Variants in CFAP299 observed in about 807,000 individuals in gnomAD.
The protein encoded by CFAP299 is cilia and flagella associated protein 299, also known as cilia- and flagella-associated protein 299.
Under a neutral mutation model 27.0 loss-of-function variants are expected in CFAP299, and 21 were observed. The observed-to-expected ratio is 0.78, with a 90% CI of 0.55 to 1.12. The LOEUF is 1.12. Ranked by LOEUF, CFAP299 falls within the 50% of genes most tolerant of loss-of-function variation. The pLI is 0.00. For synonymous variants in CFAP299, 104 were observed against 98.1 expected (o/e 1.06, Z -0.36); for missense variants, 310 against 276.6 (o/e 1.12, Z -0.86).
In CFAP299 at chr4:80,799,278, ATATATTG is replaced by A. The variant is rs1160460402; in HGVS notation, c.334-70710_334-70704del. Among the ~76,000 whole-genome samples, 15 of 93,924 alleles carry A rather than the reference ATATATTG, an allele frequency of 1.6e-4. 1 individual carries two copies. The highest frequency in any genetic ancestry group is 4.5e-4 in the African/African-American group (9 of 20,106). 61.6% of individuals were successfully genotyped at this position (93,924 alleles called of 152,430 possible). A position where few individuals can be genotyped will look rare whatever the true frequency, so the allele number is the denominator to read the frequency against. On this transcript the variant is annotated intron_variant, in intron 3 of 5. Coordinates refer to ENST00000358105, the MANE Select transcript of CFAP299 (RefSeq NM_152770.3). Reference sequence around the variant, plus strand: ...AAATATATTTATATAATATTTATATATATATTGTATAAATATATTTATATAATATTTA... The same window carrying A: ...AAATATATTTATATAATATTTATATATATAAATATATTTATATAATATTTA...
In CFAP299 at chr4:80,335,883, AG is replaced by A; in HGVS notation, c.111+7del. 6.3e-7 allele frequency: 1 copy of A among 1,582,386 alleles called. No individual in the cohort carries two copies. Among genetic ancestry groups the A allele is most frequent in the Non-Finnish European group, 8.7e-7 (1 of 1,151,190 alleles). ...TGTGGACTTGTACTACCTGGAGGTA[AG>A]GGCGGAGCGCGGCAGAGTAGCCGCC... On this transcript the variant is annotated splice_donor_5th_base_variant and intron_variant, in intron 1 of 5. Coordinates refer to ENST00000358105, the MANE Select transcript of CFAP299 (RefSeq NM_152770.3).
At chr4:80,873,186 C>G (rs1461487189) in intron 4 of CFAP299, 1 of 190,342 alleles carries the variant, frequency 5.3e-6, no homozygotes, top group African/African-American at 2.4e-5. Flanking sequence ...GTATGAAGTT[C>G]CATACTTAGT....
chr4:80,879,920 C>A (rs957670583), intron 4 of CFAP299, among the ~76,000 whole-genome samples: 15 of 152,176 alleles, frequency 9.9e-5, no homozygotes, highest in Admixed American at 3.3e-4. Context: ...TACATACCTT[C>A]TTATTATTTC....
chr4:80,501,508 A>G (rs1301422799), intron 2 of CFAP299, among the ~76,000 whole-genome samples: 1 of 147,700 alleles, frequency 6.8e-6, no homozygotes. Context: ...ATATAAATAT[A>G]TGTACATATA....
intron 1 of CFAP299, among the ~76,000 whole-genome samples, chr4:80,356,730 T>C (rs1009396196): frequency 2.0e-5 from 3 of 152,008 alleles, no homozygotes; most frequent in Non-Finnish European, 4.4e-5. Context: ...CTAAGAAGCT[T>C]TTGGGCTCAG....
At chr4:80,589,084 T>A (rs1736592605) in intron 3 of CFAP299, among the ~76,000 whole-genome samples, 1 of 152,206 alleles carries the variant, frequency 6.6e-6, no homozygotes, top group Admixed American at 6.5e-5. Flanking sequence ...AGCTCAGAAG[T>A]ATCAGATAAA....
At chr4:80,777,309 C>A (rs1025731155) in intron 3 of CFAP299, among the ~76,000 whole-genome samples, 1 of 152,016 alleles carries the variant, frequency 6.6e-6, no homozygotes, top group Non-Finnish European at 1.5e-5. Flanking sequence ...TTTTGCATCC[C>A]CCATTCCTAC....
intron 3 of CFAP299, among the ~76,000 whole-genome samples, chr4:80,798,542 C>T (rs1446284639): frequency 1.3e-5 from 2 of 152,074 alleles, no homozygotes; most frequent in African/African-American, 4.8e-5. Flanking sequence ...TGTGCATGCA[C>T]CTTTCATTGC....
At chr4:80,919,491 T>C in intron 4 of CFAP299, among the ~76,000 whole-genome samples, 1 of 152,168 alleles carries the variant, frequency 6.6e-6, no homozygotes, top group East Asian at 1.9e-4. Flanking sequence ...ATGTTTTTCA[T>C]TTGGAACTCT....
chr4:80,781,458 A>AC (rs1198063163), intron 3 of CFAP299, among the ~76,000 whole-genome samples: 1 of 152,034 alleles, frequency 6.6e-6, no homozygotes, highest in African/African-American at 2.4e-5. Context: ...TATTTTTGTG[A>AC]CTTTATCCTA....
chr4:80,693,710 A>AG (rs941231267), intron 3 of CFAP299, among the ~76,000 whole-genome samples: 1 of 151,974 alleles, frequency 6.6e-6, no homozygotes, highest in African/African-American at 2.4e-5. Context: ...AAAAAAAAAA[A>AG]AGAAAGAACT....
intron 1 of CFAP299, 112 bp downstream of exon 1, chr4:80,335,991 CGCCGCGG>C: frequency 1.4e-6 from 1 of 702,322 alleles, no homozygotes; most frequent in African/African-American, 1.8e-5. Flanking sequence ...AGCTGTCAGG[CGCCGCGG>C]TTTCGGGACC....
intron 3 of CFAP299, among the ~76,000 whole-genome samples, chr4:80,856,262 C>G (rs1461246805): frequency 7.1e-6 from 1 of 140,450 alleles, no homozygotes; most frequent in Non-Finnish European, 1.5e-5. Context: ...TTGTTTTTTT[C>G]TTGTAAATTT....
At position 80,496,952 on chromosome 4, in the gene CFAP299, T is replaced by G. The variant is rs146864051; in HGVS notation, c.243-86141T>G. On this transcript the variant is annotated intron_variant, in intron 2 of 5. Transcript: ENST00000358105. ...TTTAAATGATCATGTCTCATGAAAC[T>G]TACTATCACAAAACCTACTATCACA... Among the ~76,000 whole-genome samples, 232 of 152,240 alleles carry G rather than the reference T, an allele frequency of 1.5e-3. 1 individual carries two copies. Among genetic ancestry groups the G allele is most frequent in the African/African-American group, 5.3e-3 (219 of 41,528 alleles).
intron 2 of CFAP299, chr4:80,386,926 C>A: frequency 3.5e-6 from 3 of 845,788 alleles, no homozygotes; most frequent in Non-Finnish European, 6.2e-6. Flanking sequence ...TGGTTGTGAG[C>A]GCGCAGTTTG....
In CFAP299 at chr4:80,461,974, A is replaced by C. The variant is rs79097793; in HGVS notation, c.242+99090A>C. ...TTACCCCAGTTCCATGGAGGAACTC[A>C]TTCTCCTTCTTCTTGAGGCTTATGA... On this transcript the variant is annotated intron_variant, in intron 2 of 5. Transcript: ENST00000358105. 2.6e-5 allele frequency among the ~76,000 whole-genome samples: 4 copies of C among 152,194 alleles called. No individual in the cohort carries two copies. In the East Asian group the frequency reaches 7.8e-4, roughly 30 times the overall value.
intron 3 of CFAP299, among the ~76,000 whole-genome samples, chr4:80,856,955 C>T (rs1227179324): frequency 2.0e-5 from 3 of 151,830 alleles, no homozygotes; most frequent in Non-Finnish European, 4.4e-5. Context: ...TCATTGGTAG[C>T]TTGATGGGGA....
At chr4:80,718,146 G>C (rs1722597827) in intron 3 of CFAP299, among the ~76,000 whole-genome samples, 1 of 151,972 alleles carries the variant, frequency 6.6e-6, no homozygotes, top group Non-Finnish European at 1.5e-5. Flanking sequence ...TTCTGAGTAG[G>C]CTGTACAGAA....
At chr4:80,643,241 C>T (rs1255151901) in intron 3 of CFAP299, among the ~76,000 whole-genome samples, 2 of 152,156 alleles carry the variant, frequency 1.3e-5, no homozygotes, top group East Asian at 3.9e-4. Context: ...AAGGGTCATA[C>T]ATTTGGCTAG....
Sources: gnomAD v4.1 joint callset for allele counts (sites outside exome capture counted in the v4.1 genomes callset) on GRCh38, gnomAD v4.1.1 for gene constraint, MANE v1.5 for transcripts, NCBI Gene and HGNC (gene_info 2026-07-23, HGNC 2026-07-21) for gene names.